The following ATRNL1 variants were observed in gnomAD, a reference collection of about 807,000 sequenced individuals.
The protein encoded by ATRNL1 is attractin like 1.
ATRNL1 carries 95 observed loss-of-function variants against 182.7 expected under a neutral mutation model. The ratio of observed to expected loss-of-function variants is 0.52; its 90% CI spans 0.44 to 0.62. ATRNL1 has a LOEUF of 0.62. Among genes scored for constraint, ATRNL1 ranks in the 20% least tolerant of loss-of-function variants. The pLI, the probability that ATRNL1 is intolerant of heterozygous loss-of-function variation, is 0.00. For synonymous variants in ATRNL1, 576 were observed against 568.3 expected (o/e 1.01, Z -0.19); for missense variants, 1,471 against 1,679.5 (o/e 0.88, Z 2.17).
At chr10:115,377,611 T>C (rs1291334246) in intron 19 of ATRNL1, among the ~76,000 whole-genome samples, 1 of 152,194 alleles carries the variant, frequency 6.6e-6, no homozygotes, top group Non-Finnish European at 1.5e-5. Flanking sequence ...TTTCTGACTT[T>C]TTCTTAACTA....
intron 20 of ATRNL1, among the ~76,000 whole-genome samples, chr10:115,407,489 CTT>C (rs1482656542): frequency 4.0e-5 from 6 of 151,886 alleles, no homozygotes; most frequent in African/African-American, 1.5e-4. Context: ...CAGTGTTTAA[CTT>C]TCTATTCCTG....
chr10:115,819,447 A>G (rs1465131277), intron 27 of ATRNL1, among the ~76,000 whole-genome samples: 1 of 152,078 alleles, frequency 6.6e-6, no homozygotes, highest in Non-Finnish European at 1.5e-5. Context: ...TTAGGAATTC[A>G]AAATATTTGT....
intron 28 of ATRNL1, among the ~76,000 whole-genome samples, chr10:115,876,773 T>C (rs1439977437): frequency 1.3e-5 from 2 of 152,248 alleles, no homozygotes; most frequent in African/African-American, 2.4e-5. Flanking sequence ...TTTGTGTTTT[T>C]AAGTTGTTAG....
At chr10:115,386,630 A>G (rs1554952701) in intron 19 of ATRNL1, among the ~76,000 whole-genome samples, 1 of 152,142 alleles carries the variant, frequency 6.6e-6, no homozygotes, top group Non-Finnish European at 1.5e-5. Flanking sequence ...TAAGCACCCA[A>G]GGTACATCAA....
chr10:115,248,573 A>T (rs374444441), intron 10 of ATRNL1, among the ~76,000 whole-genome samples: 37 of 152,280 alleles, frequency 2.4e-4, no homozygotes, highest in African/African-American at 7.9e-4. Context: ...GTATGTTAAG[A>T]CACTATAAAA....
chr10:115,114,423 A>T (rs148536829), intron 1 of ATRNL1, among the ~76,000 whole-genome samples: 345 of 152,340 alleles, frequency 2.3e-3, no homozygotes, highest in Non-Finnish European at 3.9e-3. Flanking sequence ...GCTTCTATAC[A>T]TCAAAGGAAA....
intron 26 of ATRNL1, among the ~76,000 whole-genome samples, chr10:115,670,654 C>T (rs1945669193): frequency 1.3e-5 from 2 of 152,034 alleles, no homozygotes; most frequent in African/African-American, 2.4e-5. Context: ...CACTTTAAAG[C>T]ATATAAGGTT....
At chr10:115,790,055 A>G (rs1949490969) in intron 27 of ATRNL1, among the ~76,000 whole-genome samples, 1 of 152,188 alleles carries the variant, frequency 6.6e-6, no homozygotes, top group African/African-American at 2.4e-5. Flanking sequence ...AGATATTTGT[A>G]TTCCATTAAA....
intron 26 of ATRNL1, among the ~76,000 whole-genome samples, chr10:115,633,108 A>G (rs1042883277): frequency 6.6e-6 from 1 of 151,970 alleles, no homozygotes; most frequent in Admixed American, 6.6e-5. Context: ...ACAGGGTTTT[A>G]CCATGTTGGC....
chr10:115,593,504 T>C (rs1398972847), intron 26 of ATRNL1, among the ~76,000 whole-genome samples: 2 of 152,192 alleles, frequency 1.3e-5, no homozygotes, highest in Non-Finnish European at 2.9e-5. Context: ...AAGGACAGTC[T>C]CTTCACTAGT....
chr10:115,524,278 A>G (rs192044678), intron 25 of ATRNL1, among the ~76,000 whole-genome samples: 5 of 152,326 alleles, frequency 3.3e-5, no homozygotes, highest in Non-Finnish European at 7.4e-5. Flanking sequence ...CAAATATCCA[A>G]ACTATAGCAG....
rs139947182 is a variant in ATRNL1, at chr10:115,459,948, G to A, written c.3323-1993G>A. 6.3e-4 allele frequency among the ~76,000 whole-genome samples: 96 copies of A among 152,252 alleles called. 1 individual carries two copies. Among genetic ancestry groups the A allele is most frequent in the African/African-American group, 2.1e-3 (89 of 41,552 alleles). ...AGAAAAGAACCTAAGTGATTATCGG[G>A]GCAGGTCCCCTGATAACTTTTGAAT... On this transcript the variant is annotated intron_variant, in intron 21 of 28. Transcript: ENST00000355044.
At chr10:115,537,229 A>G (rs1360331408) in intron 25 of ATRNL1, among the ~76,000 whole-genome samples, 1 of 152,192 alleles carries the variant, frequency 6.6e-6, no homozygotes, top group African/African-American at 2.4e-5. Flanking sequence ...CTCCCCATCT[A>G]GTTTACAAAG....
At chr10:115,605,233 T>C (rs1856812744) in intron 26 of ATRNL1, among the ~76,000 whole-genome samples, 1 of 152,120 alleles carries the variant, frequency 6.6e-6, no homozygotes, top group Non-Finnish European at 1.5e-5. Flanking sequence ...GTTGCTATCA[T>C]CTTTTGTTCA....
intron 21 of ATRNL1, among the ~76,000 whole-genome samples, chr10:115,453,853 T>C (rs1006720674): frequency 2.0e-5 from 3 of 150,814 alleles, no homozygotes; most frequent in Admixed American, 6.6e-5. Context: ...TGCTAAATGA[T>C]GAGTTAATGG....
chr10:115,545,251 A>G lies in ATRNL1; in HGVS notation c.3717-4207A>G, dbSNP rs1378307325. ...CTCCGTATCAAAAAAAAAAAAAAAA[A>G]AAAAAAGAAAAATCATTTATTTAGC... On this transcript the variant is annotated intron_variant, in intron 25 of 28. Coordinates refer to ENST00000355044, the MANE Select transcript of ATRNL1 (RefSeq NM_207303.4). Among the ~76,000 whole-genome samples, 8 of 141,922 alleles carry G rather than the reference A, an allele frequency of 5.6e-5. No homozygotes were observed. In the East Asian group the frequency reaches 6.1e-4, roughly 11 times the overall value. The allele number at this position is 141,922 out of a possible 152,430, so 93.1% of individuals were successfully genotyped here.
intron 25 of ATRNL1, among the ~76,000 whole-genome samples, chr10:115,524,163 G>A (rs1392777489): frequency 2.0e-5 from 3 of 152,052 alleles, no homozygotes; most frequent in Non-Finnish European, 2.9e-5. Flanking sequence ...ACACAACGAT[G>A]GCACAAATCC....
At chr10:115,843,997 G>A (rs1950871071) in intron 27 of ATRNL1, among the ~76,000 whole-genome samples, 1 of 152,082 alleles carries the variant, frequency 6.6e-6, no homozygotes, top group African/African-American at 2.4e-5. Context: ...AATGGAAACA[G>A]TCAGTGTCTC....
At chr10:115,300,313 C>G in intron 16 of ATRNL1, 66 bp downstream of exon 16, 1 of 1,303,160 alleles carries the variant, frequency 7.7e-7, no homozygotes, top group Non-Finnish European at 1.1e-6. Flanking sequence ...TCATTCCTTC[C>G]TTCTAGGGTG....
Sources: allele counts gnomAD v4.1 joint callset (sites outside exome capture counted in the v4.1 genomes callset), GRCh38; gene constraint gnomAD v4.1.1; transcripts MANE v1.5; gene names NCBI Gene and HGNC (gene_info 2026-07-23, HGNC 2026-07-21).